GARIN2: variants seen among roughly 807,000 people sequenced by gnomAD.
GARIN2 encodes Golgi-associated RAB2 interactor protein 2.
At chr14:67,203,298 G>C in the GARIN2 span, 1 of 1,566,708 alleles carries the variant, frequency 6.4e-7, no homozygotes, top group Non-Finnish European at 8.7e-7. Flanking sequence ...CACCAGGTGA[G>C]TTACAAAGAG....
the GARIN2 span, among the ~76,000 whole-genome samples, chr14:67,213,454 G>T: frequency 6.7e-6 from 1 of 149,614 alleles, no homozygotes; most frequent in Non-Finnish European, 1.5e-5. Context: ...TGAGAATGAT[G>T]ATTTCCAATT....
chr14:67,199,819 C>T, the GARIN2 span: 6 of 1,505,652 alleles, frequency 4.0e-6, no homozygotes, highest in African/African-American at 5.6e-5. Flanking sequence ...CTGGAGCCCT[C>T]CCACCTGGGA....
chr14:67,224,625 A>AT, the GARIN2 span: 5,428 of 266,928 alleles, frequency 0.02, no homozygotes, highest in South Asian at 0.038. Context: ...TAACTTTTAA[A>AT]TTTTTTTTTT....
At chr14:67,209,587 AG>A in the GARIN2 span, among the ~76,000 whole-genome samples, 1 of 152,182 alleles carries the variant, frequency 6.6e-6, no homozygotes, top group East Asian at 1.9e-4. Context: ...TGGGAGGCTG[AG>A]GCGGGCAGAT....
At chr14:67,210,294 A>G in the GARIN2 span, among the ~76,000 whole-genome samples, 1 of 152,164 alleles carries the variant, frequency 6.6e-6, no homozygotes, top group African/African-American at 2.4e-5. Flanking sequence ...AATTTCAATG[A>G]AAAGAGCTAT....
At chr14:67,207,542 C>G in the GARIN2 span, among the ~76,000 whole-genome samples, 43 of 151,886 alleles carry the variant, frequency 2.8e-4, 1 homozygote, top group Admixed American at 2.5e-3. Context: ...ACAAAACATC[C>G]AAACCATATC....
At chr14:67,224,312 G>A in the GARIN2 span, among the ~76,000 whole-genome samples, 6 of 148,550 alleles carry the variant, frequency 4.0e-5, no homozygotes, top group African/African-American at 1.0e-4. Flanking sequence ...AGGCTGGAGC[G>A]CAGTGGCACG....
the GARIN2 span, chr14:67,199,187 C>G: frequency 6.2e-7 from 1 of 1,605,466 alleles, no homozygotes; most frequent in Non-Finnish European, 8.5e-7. Flanking sequence ...TAGTCAACAC[C>G]CACATGCCAA....
the GARIN2 span, among the ~76,000 whole-genome samples, chr14:67,191,145 A>C: frequency 6.6e-6 from 1 of 152,218 alleles, no homozygotes. Context: ...GAAGCATGAG[A>C]ATCACTTGAA....
the GARIN2 span, chr14:67,204,863 G>T: frequency 5.0e-6 from 8 of 1,613,938 alleles, no homozygotes; most frequent in Non-Finnish European, 6.8e-6. Flanking sequence ...GAACATGTCA[G>T]GGACAGCATA....
At chr14:67,191,225 CTCCG>C in the GARIN2 span, among the ~76,000 whole-genome samples, 1 of 152,024 alleles carries the variant, frequency 6.6e-6, no homozygotes, top group South Asian at 2.1e-4. Flanking sequence ...TGGAGCGAGA[CTCCG>C]TCTCAAAAAA....
chr14:67,222,923 T>G, the GARIN2 span, among the ~76,000 whole-genome samples: 1 of 150,934 alleles, frequency 6.6e-6, no homozygotes, highest in East Asian at 1.9e-4. Flanking sequence ...CAAGAGTCAG[T>G]CCCACAAAAA....
At chr14:67,220,534 T>A in the GARIN2 span, among the ~76,000 whole-genome samples, 1 of 152,206 alleles carries the variant, frequency 6.6e-6, no homozygotes, top group African/African-American at 2.4e-5. Flanking sequence ...ATCTTAAATC[T>A]AGATGAGTGA....
the GARIN2 span, among the ~76,000 whole-genome samples, chr14:67,194,764 T>A: frequency 2.6e-5 from 4 of 152,260 alleles, no homozygotes; most frequent in African/African-American, 9.6e-5. Flanking sequence ...TTCAAGTGAT[T>A]CTCCTGCCTC....
chr14:67,198,830 ATTC>A, the GARIN2 span: 1 of 559,122 alleles, frequency 1.8e-6, no homozygotes, highest in South Asian at 1.8e-5. Flanking sequence ...TTCTCTAAAC[ATTC>A]AACATTAAAA....
chr14:67,227,016 A>G, the GARIN2 span, among the ~76,000 whole-genome samples: 51 of 152,354 alleles, frequency 3.3e-4, no homozygotes, highest in East Asian at 5.2e-3. Context: ...ATATTTTACA[A>G]TGATTTCAAT....
the GARIN2 span, chr14:67,201,468 T>C: frequency 2.2e-6 from 1 of 456,040 alleles, no homozygotes; most frequent in South Asian, 1.5e-5. Flanking sequence ...AACAGGACAA[T>C]GATAGCTGCC....
the GARIN2 span, among the ~76,000 whole-genome samples, chr14:67,214,983 A>G: frequency 6.6e-6 from 1 of 152,128 alleles, no homozygotes; most frequent in South Asian, 2.1e-4. Context: ...TTATTGGTGT[A>G]TAAGAATGCT....
the GARIN2 span, among the ~76,000 whole-genome samples, chr14:67,206,067 C>T: frequency 2.0e-5 from 3 of 152,128 alleles, no homozygotes; most frequent in African/African-American, 7.2e-5. Flanking sequence ...GCCTGTAGTC[C>T]CAGCTACTAG....
Sources: allele counts gnomAD v4.1 joint callset (sites outside exome capture counted in the v4.1 genomes callset), GRCh38; gene constraint gnomAD v4.1.1; transcripts MANE v1.5; gene names NCBI Gene and HGNC (gene_info 2026-07-23, HGNC 2026-07-21).